The following AQR variants were observed in gnomAD, a reference collection of about 807,000 sequenced individuals.
AQR encodes the protein aquarius intron-binding spliceosomal factor, also known as RNA helicase aquarius.
In AQR, 61 loss-of-function variants were observed where a neutral mutation model predicts 180.5. That is an observed-to-expected ratio of 0.34 (90% CI 0.28 to 0.42). The LOEUF (loss-of-function observed/expected upper bound fraction) is 0.42, where lower values mean the gene tolerates loss of function less well. Among genes scored for constraint, AQR ranks in the 10% least tolerant of loss-of-function variants. The probability of loss-of-function intolerance (pLI) is 1.00; values close to 1 mark genes in which losing one functional copy is unlikely to be tolerated. For synonymous variants in AQR, 551 were observed against 588.8 expected (o/e 0.94, Z 0.93); for missense variants, 1,281 against 1,798.3 (o/e 0.71, Z 5.20).
intron 1 of AQR, among the ~76,000 whole-genome samples, chr15:34,966,005 T>A (rs1343882099): frequency 1.3e-5 from 2 of 152,186 alleles, no homozygotes; most frequent in Non-Finnish European, 2.9e-5. Context: ...TCCCTTGGGG[T>A]CTAACGTGTA....
intron 16 of AQR, among the ~76,000 whole-genome samples, chr15:34,910,603 C>T (rs1893486142): frequency 6.6e-6 from 1 of 152,074 alleles, no homozygotes; most frequent in South Asian, 2.1e-4. Flanking sequence ...AAAGCTAACC[C>T]TATGTACATA....
In AQR at chr15:34,942,061, C is replaced by T. The variant is rs116447981; in HGVS notation, c.491G>A (p.Ser164Asn). The T allele has an allele frequency of 7.9e-4, 1,273 of 1,612,362 alleles. 11 individuals are homozygous for T. The African/African-American group carries it at 0.015, about 19-fold the overall frequency. The change falls in exon 7 of 35, where the codon AGT becomes AAT. Residue 164 changes from serine (S) to asparagine (N), a missense_variant. Coordinates refer to ENST00000156471, the MANE Select transcript of AQR (RefSeq NM_014691.3). ...FNSLEVDLIRSQVQQLISLPM... is the reference protein window; with the variant it reads ...FNSLEVDLIRNQVQQLISLPM... ...GAGGGAGATAAGCTGCTGTACTTGACTTCGTATCAAGTCTACTTCCTGTTT... is the reference window on the plus strand; with the variant it reads ...GAGGGAGATAAGCTGCTGTACTTGATTTCGTATCAAGTCTACTTCCTGTTT...
chr15:34,964,027 T>C (rs573156170), intron 2 of AQR, among the ~76,000 whole-genome samples: 2 of 152,222 alleles, frequency 1.3e-5, no homozygotes, highest in Admixed American at 1.3e-4. Context: ...TATCTCTGTG[T>C]AGTGATTATT....
intron 14 of AQR, among the ~76,000 whole-genome samples, chr15:34,919,271 T>G (rs944092929): frequency 2.7e-5 from 4 of 146,510 alleles, no homozygotes; most frequent in Non-Finnish European, 4.5e-5. Context: ...AAAAGAAAAA[T>G]AAGTGTTTAT....
At position 34,857,053 on chromosome 15, in the gene AQR, A is replaced by G. The variant is rs1312497099; in HGVS notation, c.4197T>C (p.Asn1399=). 1.5e-5 allele frequency: 24 copies of G among 1,612,466 alleles called. No individual in the cohort carries two copies. Among genetic ancestry groups the G allele is most frequent in the Non-Finnish European group, 2.0e-5 (24 of 1,179,336 alleles). ...CTTCTGTTTCCAATTCTGTTTCTTG[A>G]TTTTGAACTTCCTCACCCTCTTCTA... ...AMVEEGEEVQ[N]QETELETEEE... The change falls in exon 35 of 35, where the codon AAT becomes AAC. Residue 1399 remains asparagine, a synonymous_variant. Coordinates refer to ENST00000156471, the MANE Select transcript of AQR (RefSeq NM_014691.3).
chr15:34,866,019 G>T (rs911844885), intron 32 of AQR, among the ~76,000 whole-genome samples: 31 of 152,020 alleles, frequency 2.0e-4, no homozygotes, highest in Admixed American at 6.6e-5. Context: ...TCATTGAATT[G>T]TACACTTTAA....
intron 11 of AQR, among the ~76,000 whole-genome samples, chr15:34,930,832 T>G (rs1566991675): frequency 7.0e-4 from 24 of 34,398 alleles, no homozygotes; most frequent in South Asian, 2.0e-3. Context: ...TTTTTTTTTT[T>G]TTTTTTTTTT....
At chr15:34,953,430 T>C (rs886341795) in intron 3 of AQR, among the ~76,000 whole-genome samples, 2 of 152,328 alleles carry the variant, frequency 1.3e-5, no homozygotes, top group Admixed American at 1.3e-4. Context: ...ATCAGAACAC[T>C]GTCACTAGAT....
chr15:34,905,687 A>G (rs1461721324), intron 18 of AQR, among the ~76,000 whole-genome samples: 1 of 152,214 alleles, frequency 6.6e-6, no homozygotes, highest in East Asian at 1.9e-4. Context: ...GTCAAATTTA[A>G]GAAGAAAAAA....
At chr15:34,876,560 A>C (rs1892892306) in intron 27 of AQR, among the ~76,000 whole-genome samples, 2 of 152,056 alleles carry the variant, frequency 1.3e-5, no homozygotes, top group African/African-American at 4.8e-5. Flanking sequence ...CACTCTAAAA[A>C]TCCAAGCCAC....
At chr15:34,896,428 T>A (rs1192104569) in intron 22 of AQR, among the ~76,000 whole-genome samples, 1 of 152,064 alleles carries the variant, frequency 6.6e-6, no homozygotes, top group Non-Finnish European at 1.5e-5. Flanking sequence ...CAGCAAGATC[T>A]CTAAATGCAT....
At position 34,969,537 on chromosome 15, in the gene AQR, A is replaced by G. The variant is rs763761383; in HGVS notation, c.75+2T>C. 1 of 1,613,576 alleles carries G rather than the reference A, an allele frequency of 6.2e-7. No homozygotes were observed. Among genetic ancestry groups the G allele is most frequent in the South Asian group, 1.1e-5 (1 of 91,060 alleles). ...ACACACACCAGACTCGCCCGAGCTCACCTGGGTCACGAACTCCGCATTGAT... is the reference window on the plus strand; with the variant it reads ...ACACACACCAGACTCGCCCGAGCTCGCCTGGGTCACGAACTCCGCATTGAT... On this transcript the variant is annotated splice_donor_variant, in intron 1 of 34. Coordinates refer to ENST00000156471, the MANE Select transcript of AQR (RefSeq NM_014691.3). LOFTEE classifies it high-confidence loss of function.
intron 32 of AQR, among the ~76,000 whole-genome samples, chr15:34,867,241 T>C (rs1353285778): frequency 6.6e-6 from 1 of 152,122 alleles, no homozygotes; most frequent in Admixed American, 6.6e-5. Flanking sequence ...ATTAAGTTTC[T>C]AACAGATACA....
At chr15:34,943,287 G>A (rs1473288953) in intron 6 of AQR, 1 of 1,573,394 alleles carries the variant, frequency 6.4e-7, no homozygotes, top group Admixed American at 1.7e-5. Flanking sequence ...GCTAAGGCTT[G>A]AGTGCATTGA....
intron 16 of AQR, 24 bp downstream of exon 16, chr15:34,915,014 T>C (rs373786176): frequency 2.5e-6 from 4 of 1,586,272 alleles, no homozygotes; most frequent in Non-Finnish European, 3.4e-6. Context: ...ATCTCTTCAT[T>C]ACAGGTGGAA....
intron 3 of AQR, among the ~76,000 whole-genome samples, chr15:34,954,760 T>G (rs927067597): frequency 6.6e-6 from 1 of 152,146 alleles, no homozygotes; most frequent in Non-Finnish European, 1.5e-5. Flanking sequence ...ACAGCTTAAC[T>G]GAAAGTGTAC....
intron 12 of AQR, 128 bp downstream of exon 12, chr15:34,930,130 G>T: frequency 1.9e-6 from 1 of 513,988 alleles, no homozygotes; most frequent in Non-Finnish European, 3.4e-6. Flanking sequence ...AAAAAGAAAC[G>T]TTAAAAATGT....
chr15:34,887,084 C>T (rs983682157), intron 24 of AQR, among the ~76,000 whole-genome samples: 2 of 150,824 alleles, frequency 1.3e-5, no homozygotes, highest in African/African-American at 4.9e-5. Context: ...GAGATGGCGC[C>T]ACTGCACTCC....
rs1178081030 is a variant in AQR, at chr15:34,890,295, C to T, written c.2601G>A (p.Met867Ile). 1 of 1,613,480 alleles carries T rather than the reference C, an allele frequency of 6.2e-7. No homozygotes were observed. Among genetic ancestry groups the T allele is most frequent in the South Asian group, 1.1e-5 (1 of 90,934 alleles). ...QALNQLFEKI[M>I]ALDIDERHLL... ...GGTGGCGCTCATCAATGTCTAATGC[C>T]ATGATTTTCTCAAACAACTGGTTTA... is the stretch of plus-strand genomic sequence containing the variant. Residue 867 changes from methionine to isoleucine, a missense_variant, in exon 24 of 35, where the codon ATG becomes ATA. Transcript: ENST00000156471.
Sources: gnomAD v4.1 joint callset for allele counts (sites outside exome capture counted in the v4.1 genomes callset) on GRCh38, gnomAD v4.1.1 for gene constraint, MANE v1.5 for transcripts, NCBI Gene and HGNC (gene_info 2026-07-23, HGNC 2026-07-21) for gene names.